The following CABIN1 variants were observed in gnomAD, a reference collection of about 807,000 sequenced individuals.
CABIN1 encodes the protein calcineurin-binding protein cabin-1.
In CABIN1, 133 loss-of-function variants were observed where a neutral mutation model predicts 227.7. The ratio of observed to expected loss-of-function variants is 0.58; its 90% CI spans 0.51 to 0.67. The LOEUF (loss-of-function observed/expected upper bound fraction) is 0.67, where lower values mean the gene tolerates loss of function less well. Ranked by LOEUF, CABIN1 falls within the 30% of genes least tolerant of loss-of-function variation. The pLI is 0.00. For synonymous variants in CABIN1, 1,086 were observed against 1,155.1 expected (o/e 0.94, Z 1.21); for missense variants, 2,408 against 2,852.5 (o/e 0.84, Z 3.55).
intron 15 of CABIN1, among the ~76,000 whole-genome samples, chr22:24,064,809 G>T (rs2146520296): frequency 6.6e-6 from 1 of 152,164 alleles, no homozygotes; most frequent in South Asian, 2.1e-4. Context: ...CACAGCACAT[G>T]TTTCAGAGAG....
rs1157790872 is a variant in CABIN1, at chr22:24,176,210, C to T, written c.6140C>T (p.Ala2047Val). The T allele has an allele frequency of 6.2e-7, 1 of 1,610,678 alleles. No individual in the cohort carries two copies. The highest frequency in any genetic ancestry group is 8.5e-7 in the Non-Finnish European group (1 of 1,179,096). The change falls in exon 35 of 37, where the codon GCA becomes GTA. Residue 2047 changes from alanine to valine, a missense_variant. By Grantham distance (64) the Ala-to-Val change is moderately conservative (BLOSUM62 0). This residue lies in a region of CABIN1 where 714 missense variants were observed against 773.8 expected (regional missense o/e 0.92). Transcript: ENST00000263119. ...QVKMAPTSSP[A>V]EPHCWPAEAA... The stretch of plus-strand genomic sequence containing the variant: ...AAGATGGCCCCCACAAGTTCCCCGG[C>T]AGAGCCACACTGCTGGCCGGCAGAG...
Position 24,067,156 on chromosome 22 carries a change from G to A in CABIN1, c.2207G>A (p.Arg736Lys). The A allele has an allele frequency of 1.2e-6, 2 of 1,614,228 alleles. No homozygotes were observed. Among genetic ancestry groups the A allele is most frequent in the East Asian group, 4.5e-5 (2 of 44,886 alleles). The change falls in exon 16 of 37, where the codon AGG becomes AAG. Residue 736 changes from arginine (R) to lysine (K), a missense_variant. This residue lies in a region of CABIN1 where 1,045 missense variants were observed against 1,168.4 expected (regional missense o/e 0.89). Coordinates refer to ENST00000263119, the MANE Select transcript of CABIN1 (RefSeq NM_012295.4). ...GAGTTTATGACTTCCATTCCTGAGA[G>A]GCCAGCCCAGCTGCTTCTTCTGCAG... ...HLEFMTSIPE[R>K]PAQLLLLQDS...
At position 24,042,817 on chromosome 22, in the gene CABIN1, ACT is replaced by A. The variant is rs1491451721; in HGVS notation, c.346-86_346-85del. On this transcript the variant is annotated intron_variant, in intron 5 of 36. Transcript: ENST00000263119. ...GGGTGCATATTCAAGGAGAGATCTG[ACT>A]GTGTGTGTGTGTGTGTGTGTGTGTG... The A allele has an allele frequency of 1.2e-4, 68 of 577,630 alleles. No homozygotes were observed. The African/African-American group carries it at 3.2e-3, about 27-fold the overall frequency. 35.8% of individuals were successfully genotyped at this position (577,630 alleles called of 1,614,324 possible).
At chr22:24,051,630 C>G (rs770443385) in intron 8 of CABIN1, among the ~76,000 whole-genome samples, 3 of 152,258 alleles carry the variant, frequency 2.0e-5, no homozygotes, top group East Asian at 1.9e-4. Context: ...CTCCCCACCC[C>G]CTACCTCCAC....
intron 15 of CABIN1, 129 bp from the exon 16 acceptor site, chr22:24,066,858 T>C: frequency 2.4e-6 from 2 of 837,628 alleles, no homozygotes; most frequent in Non-Finnish European, 3.9e-6. Context: ...ATCTAATTTT[T>C]TTTGGGCTGG....
At chr22:24,112,163 G>A (rs1207476740) in intron 26 of CABIN1, among the ~76,000 whole-genome samples, 12 of 152,080 alleles carry the variant, frequency 7.9e-5, no homozygotes, top group Admixed American at 7.9e-4. Flanking sequence ...CTTTCTTTGT[G>A]TGTCTTACAA....
intron 26 of CABIN1, chr22:24,103,113 G>A (rs897871493): frequency 6.6e-6 from 1 of 152,116 alleles, no homozygotes; most frequent in Non-Finnish European, 1.5e-5. Flanking sequence ...CTCTCAGTCC[G>A]GCTCCCTGCT....
intron 17 of CABIN1, among the ~76,000 whole-genome samples, chr22:24,072,021 T>A (rs941258902): frequency 6.6e-6 from 1 of 152,130 alleles, no homozygotes; most frequent in Non-Finnish European, 1.5e-5. Flanking sequence ...CCATACTGAC[T>A]CTTTGCACTT....
chr22:24,131,619 G>A (rs1003448289), intron 28 of CABIN1, among the ~76,000 whole-genome samples: 1 of 152,312 alleles, frequency 6.6e-6, no homozygotes, highest in South Asian at 2.1e-4. Flanking sequence ...ACTTGCTTCA[G>A]TGAGTCCCTT....
In CABIN1 at chr22:24,178,587, C is replaced by G. The variant is rs1362964130; in HGVS notation, c.*391C>G. ...GTCCTTTAGGGCCAGGCTCACCCCT[C>G]ACCCTTTTTTTGGTTGCTTTTCTAA... On this transcript the variant is annotated 3_prime_UTR_variant, in exon 37 of 37. Coordinates refer to ENST00000263119, the MANE Select transcript of CABIN1 (RefSeq NM_012295.4). 2 of 297,068 alleles carry G rather than the reference C, an allele frequency of 6.7e-6. No homozygotes were observed. Among genetic ancestry groups the G allele is most frequent in the Non-Finnish European group, 1.3e-5 (2 of 152,842 alleles). 18.4% of individuals were successfully genotyped at this position (297,068 alleles called of 1,614,324 possible). A position where few individuals can be genotyped will look rare whatever the true frequency, so the allele number is the denominator to read the frequency against.
At chr22:24,122,535 T>C (rs1040692635) in intron 28 of CABIN1, among the ~76,000 whole-genome samples, 2 of 152,082 alleles carry the variant, frequency 1.3e-5, no homozygotes, top group African/African-American at 2.4e-5. Flanking sequence ...TGGCGAAATC[T>C]TGTCTATACT....
At chr22:24,016,528 A>T (rs2035298486) in intron 1 of CABIN1, among the ~76,000 whole-genome samples, 1 of 152,186 alleles carries the variant, frequency 6.6e-6, no homozygotes, top group Non-Finnish European at 1.5e-5. Flanking sequence ...ATAATAGTTT[A>T]TTCATCTACT....
At chr22:24,062,479 T>C (rs2146443057) in intron 13 of CABIN1, among the ~76,000 whole-genome samples, 1 of 149,130 alleles carries the variant, frequency 6.7e-6, no homozygotes, top group Non-Finnish European at 1.5e-5. Context: ...CATATCAGCC[T>C]CCCGAGGAGC....
rs2041304637 is a variant in CABIN1 at position 24,088,297 on chromosome 22, T to C, written c.3525+584T>C. On this transcript the variant is annotated intron_variant, in intron 23 of 36. Transcript: ENST00000263119. ...AGAAGTGTCAGCACCGCCTCCTCTT[T>C]AACATTACCGTCTTTAAAAAAATTA... is the stretch of plus-strand genomic sequence containing the variant. Among the ~76,000 whole-genome samples, 3 of 152,262 alleles carry C rather than the reference T, an allele frequency of 2.0e-5. No homozygotes were observed. The South Asian group carries it at 6.2e-4, about 32-fold the overall frequency.
rs75303441 is a variant in CABIN1, at chr22:24,175,884, G to A, written c.6041-227G>A. On this transcript the variant is annotated intron_variant, in intron 34 of 36. Coordinates refer to ENST00000263119, the MANE Select transcript of CABIN1 (RefSeq NM_012295.4). Reference sequence around the variant, plus strand: ...GTGTATAGCCCTCTCGGGAGGCGGAGGAGCCCTCTGGGGGTGGGGAGCCAG... The same window carrying A: ...GTGTATAGCCCTCTCGGGAGGCGGAAGAGCCCTCTGGGGGTGGGGAGCCAG... 0.037 allele frequency: 23,406 copies of A among 625,856 alleles called. 623 individuals carry two copies. Among genetic ancestry groups the A allele is most frequent in the Middle Eastern group, 0.048 (113 of 2,338 alleles). 38.8% of individuals were successfully genotyped at this position (625,856 alleles called of 1,614,324 possible).
Position 24,129,699 on chromosome 22 carries a change from G to A in CABIN1, c.4633-4603G>A, listed in dbSNP as rs189936288. On this transcript the variant is annotated intron_variant, in intron 28 of 36. Coordinates refer to ENST00000263119, the MANE Select transcript of CABIN1 (RefSeq NM_012295.4). Reference sequence around the variant, plus strand: ...AGGGGCAGACAGCAGACCCATCTGCGAGTCAGTGGAAAGGCTATTTAAGGT... The same window carrying A: ...AGGGGCAGACAGCAGACCCATCTGCAAGTCAGTGGAAAGGCTATTTAAGGT... Among the ~76,000 whole-genome samples the A allele has an allele frequency of 4.9e-4, 74 of 152,356 alleles. 1 individual carries two copies. In the East Asian group the frequency reaches 0.013, roughly 28 times the overall value.
intron 24 of CABIN1, among the ~76,000 whole-genome samples, chr22:24,094,315 A>G (rs2147282067): frequency 6.6e-6 from 1 of 152,272 alleles, no homozygotes; most frequent in East Asian, 1.9e-4. Context: ...AGAGCAGATG[A>G]GCAGGCAGGA....
intron 7 of CABIN1, among the ~76,000 whole-genome samples, 158 bp downstream of exon 7, chr22:24,049,378 T>C (rs1297041840): frequency 2.0e-5 from 3 of 152,160 alleles, no homozygotes; most frequent in Non-Finnish European, 4.4e-5. Context: ...GAACTGACCT[T>C]GGACTGCCTT....
chr22:24,062,361 T>TC (rs1213748703), intron 13 of CABIN1, among the ~76,000 whole-genome samples: 1 of 145,154 alleles, frequency 6.9e-6, no homozygotes, highest in Non-Finnish European at 1.5e-5. Context: ...TTTTTTTTTT[T>TC]TTTTTTTTTT....
Sources: gnomAD v4.1 joint callset for allele counts (sites outside exome capture counted in the v4.1 genomes callset) on GRCh38, gnomAD v4.1.1 for gene constraint, gnomAD v4.1.1 regional missense constraint, MANE v1.5 for transcripts, NCBI Gene and HGNC (gene_info 2026-07-23, HGNC 2026-07-21) for gene names.